OR52E2: variants seen among roughly 807,000 people sequenced by gnomAD.
OR52E2 encodes the protein olfactory receptor family 52 subfamily E member 2.
For missense variants in OR52E2, 443 were observed against 403.9 expected (o/e 1.10, Z -0.83); for synonymous variants, 130 against 143.9 (o/e 0.90, Z 0.69).
Position 5,058,897 on chromosome 11 carries a change from G to A in OR52E2, c.731C>T (p.Ser244Leu). The A allele has an allele frequency of 6.3e-7, 1 of 1,586,924 alleles. No homozygotes were observed. Among genetic ancestry groups the A allele is most frequent in the Non-Finnish European group, 8.6e-7 (1 of 1,167,594 alleles). The stretch of plus-strand genomic sequence containing the variant: ...GAAGGCAAGGATTACACACACATGT[G>A]AACCACATGTGCTGAGGGACTTGAG... ...ARLKSLSTCG[S>L]HVCVILAFYT... The change falls in exon 1 of 1, where the codon TCA (serine) becomes TTA (leucine). Residue 244 changes from serine to leucine, a missense_variant. By Grantham distance (145) the Ser-to-Leu change is moderately radical. Transcript: ENST00000321522.
rs1359090007 is a variant in OR52E2 at position 5,059,090 on chromosome 11, A to T, written c.538T>A (p.Tyr180Asn). 2 of 1,613,224 alleles carry T rather than the reference A, an allele frequency of 1.2e-6. No homozygotes were observed. The highest frequency in any genetic ancestry group is 1.7e-6 in the Non-Finnish European group (2 of 1,179,628). The change falls in exon 1 of 1, where the codon TAC (tyrosine) becomes AAC (asparagine). Residue 180 changes from tyrosine (Y) to asparagine (N), a missense_variant. By Grantham distance (143) the Tyr-to-Asn change is moderately radical. Transcript: ENST00000321522. ...FCGNHVIPHT[Y>N]CEHMGLAHLS... ...TGAGCAAGACCCATGTGCTCACAGT[A>T]GGTGTGGGGAATTACATGATTCCCA...
In OR52E2 at chr11:5,059,137, A is replaced by G. The variant is rs1847685356; in HGVS notation, c.491T>C (p.Leu164Pro). 3 of 1,613,696 alleles carry G rather than the reference A, an allele frequency of 1.9e-6. No individual in the cohort carries two copies. Among genetic ancestry groups the G allele is most frequent in the African/African-American group, 2.7e-5 (2 of 75,042 alleles). Residue 164 changes from leucine to proline, a missense_variant, in exon 1 of 1, where the codon CTT becomes CCT. By Grantham distance (98) the Leu-to-Pro change is moderately conservative. Coordinates refer to ENST00000321522, the MANE Select transcript of OR52E2 (RefSeq NM_001005164.2). ...CCCACAGAAGGGCAACCGCAATATA[A>G]GAAGTATAGAGGGAATGACGAAAAT... ...ALIFVIPSILLILRLPFCGNH... is the reference protein window; with the variant it reads ...ALIFVIPSILPILRLPFCGNH...
rs532542281 is a variant in OR52E2 at position 5,059,208 on chromosome 11, G to A, written c.420C>T (p.Asn140=). ...NPLQYSAILT[N]KVVSVIGLGV... is the part of the protein sequence containing the mutation. ...CAAGACCAATCACAGAAACAACCTT[G>A]TTGGTGAGGATGGCGCTATATTGGA... The change falls in exon 1 of 1, where the codon AAC becomes AAT. Residue 140 remains asparagine, a synonymous_variant. Coordinates refer to ENST00000321522, the MANE Select transcript of OR52E2 (RefSeq NM_001005164.2). 18 of 1,613,720 alleles carry A rather than the reference G, an allele frequency of 1.1e-5. No individual in the cohort carries two copies. The African/African-American group carries it at 2.1e-4, about 19-fold the overall frequency.
In OR52E2 at chr11:5,059,480, C is replaced by T. The variant is rs1255808327; in HGVS notation, c.148G>A (p.Val50Met). The change falls in exon 1 of 1, where the codon GTG (valine) becomes ATG (methionine). Residue 50 changes from valine (V) to methionine (M), a missense_variant. Val to Met is a conservative substitution (Grantham distance 21, BLOSUM62 1). Transcript: ENST00000321522. ...TGTAGGCTGCTGTCAGTCTTGATCA[C>T]AAGTAGAATAGTGAAGTTCCCTATG... is the stretch of plus-strand genomic sequence containing the variant. ...ALIGNFTILL[V>M]IKTDSSLHQP... is the part of the protein sequence containing the mutation. 6 of 1,613,892 alleles carry T rather than the reference C, an allele frequency of 3.7e-6. No individual in the cohort carries two copies. The highest frequency in any genetic ancestry group is 5.1e-6 in the Non-Finnish European group (6 of 1,179,944).
Position 5,058,675 on chromosome 11 carries a change from T to C in OR52E2, c.953A>G (p.Glu318Gly). Residue 318 changes from glutamate (E) to glycine (G), a missense_variant, in exon 1 of 1, where the codon GAG becomes GGG. Glu to Gly is a moderately conservative substitution (Grantham distance 98, BLOSUM62 -2). Coordinates refer to ENST00000321522, the MANE Select transcript of OR52E2 (RefSeq NM_001005164.2). ...LLQEQGMEKEEYLIHTRF is the reference protein window; with the variant it reads ...LLQEQGMEKEGYLIHTRF Reference sequence around the variant, plus strand: ...TCAGAACCTCGTATGTATTAGGTACTCTTCCTTTTCCATTCCTTGTTCCTG... The same window carrying C: ...TCAGAACCTCGTATGTATTAGGTACCCTTCCTTTTCCATTCCTTGTTCCTG... The C allele has an allele frequency of 2.0e-6, 3 of 1,494,740 alleles. No individual in the cohort carries two copies. The highest frequency in any genetic ancestry group is 4.5e-5 in the Admixed American group (2 of 44,314). 92.6% of individuals were successfully genotyped at this position (1,494,740 alleles called of 1,614,324 possible). A position where few individuals can be genotyped will look rare whatever the true frequency, so the allele number is the denominator to read the frequency against.
Position 5,058,762 on chromosome 11 carries a change from T to G in OR52E2, c.866A>C (p.Asn289Thr). 1 of 1,595,576 alleles carries G rather than the reference T, an allele frequency of 6.3e-7. No individual in the cohort carries two copies. The highest frequency in any genetic ancestry group is 8.5e-7 in the Non-Finnish European group (1 of 1,173,674). Residue 289 changes from asparagine (N) to threonine (T), a missense_variant, in exon 1 of 1, where the codon AAT becomes ACT. By Grantham distance (65) the Asn-to-Thr change is moderately conservative (BLOSUM62 0). Coordinates refer to ENST00000321522, the MANE Select transcript of OR52E2 (RefSeq NM_001005164.2). ...NLYVVVPPMLNPVIYGVRTKQ... is the reference protein window; with the variant it reads ...NLYVVVPPMLTPVIYGVRTKQ... ...GGTTCTGACTCCATATATGACAGGA[T>G]TGAGCATTGGTGGCACCACAACATA...
Position 5,058,942 on chromosome 11 carries a change from A to G in OR52E2, c.686T>C (p.Leu229Pro), listed in dbSNP as rs1433599647. Residue 229 changes from leucine to proline, a missense_variant, in exon 1 of 1, where the codon CTT (leucine) becomes CCT (proline). Coordinates refer to ENST00000321522, the MANE Select transcript of OR52E2 (RefSeq NM_001005164.2). ...YVHILCAVFR[L>P]PTHEARLKSL... ...CTTGAGTCGGGCTTCATGAGTAGGAAGACGGAAAACAGCACAAAGAATATG... is the reference window on the plus strand; with the variant it reads ...CTTGAGTCGGGCTTCATGAGTAGGAGGACGGAAAACAGCACAAAGAATATG... 2.5e-6 allele frequency: 4 copies of G among 1,605,136 alleles called. No homozygotes were observed. The highest frequency in any genetic ancestry group is 1.1e-5 in the South Asian group (1 of 89,172).
Position 5,058,756 on chromosome 11 carries a change from A to G in OR52E2, c.872T>C (p.Val291Ala), listed in dbSNP as rs768594160. 1.3e-6 allele frequency: 2 copies of G among 1,593,160 alleles called. No individual in the cohort carries two copies. Among genetic ancestry groups the G allele is most frequent in the East Asian group, 4.5e-5 (2 of 44,760 alleles). The change falls in exon 1 of 1, where the codon GTC (valine) becomes GCC (alanine). Residue 291 changes from valine (V) to alanine (A), a missense_variant. Val to Ala is a moderately conservative substitution (Grantham distance 64). Coordinates refer to ENST00000321522, the MANE Select transcript of OR52E2 (RefSeq NM_001005164.2). Reference sequence around the variant, plus strand: ...CTGCTTGGTTCTGACTCCATATATGACAGGATTGAGCATTGGTGGCACCAC... The same window carrying G: ...CTGCTTGGTTCTGACTCCATATATGGCAGGATTGAGCATTGGTGGCACCAC... ...YVVVPPMLNPVIYGVRTKQIY... is the reference protein window; with the variant it reads ...YVVVPPMLNPAIYGVRTKQIY...
chr11:5,059,075 C>T lies in OR52E2; in HGVS notation c.553G>A (p.Gly185Ser). The change falls in exon 1 of 1, where the codon GGT (glycine) becomes AGT (serine). Residue 185 changes from glycine (G) to serine (S), a missense_variant. Physicochemically the swap from Gly to Ser is moderately conservative, Grantham distance 56 (BLOSUM62 0). Coordinates refer to ENST00000321522, the MANE Select transcript of OR52E2 (RefSeq NM_001005164.2). ...CTGGCACAAGATAGATGAGCAAGAC[C>T]CATGTGCTCACAGTAGGTGTGGGGA... ...VIPHTYCEHM[G>S]LAHLSCASIK... 6.2e-7 allele frequency: 1 copy of T among 1,612,938 alleles called. No individual in the cohort carries two copies. The highest frequency in any genetic ancestry group is 8.5e-7 in the Non-Finnish European group (1 of 1,179,480).
chr11:5,059,297 G>C lies in OR52E2; in HGVS notation c.331C>G (p.Leu111Val), dbSNP rs374783754. 2.1e-5 allele frequency: 34 copies of C among 1,613,644 alleles called. No homozygotes were observed. Among genetic ancestry groups the C allele is most frequent in the Non-Finnish European group, 2.7e-5 (32 of 1,179,920 alleles). ...TQMFFIHNFT[L>V]MESAVLVAMA... is the part of the protein sequence containing the mutation. ...GCCACAAGGACTGCTGACTCCATAA[G>C]TGTGAAGTTGTGGATAAAAAACATC... The change falls in exon 1 of 1, where the codon CTT becomes GTT. Residue 111 changes from leucine (L) to valine (V), a missense_variant. Transcript: ENST00000321522.
chr11:5,059,136 A>G lies in OR52E2; in HGVS notation c.492T>C (p.Leu164=), dbSNP rs1023109054. 4 of 1,613,554 alleles carry G rather than the reference A, an allele frequency of 2.5e-6. No individual in the cohort carries two copies. Among genetic ancestry groups the G allele is most frequent in the Non-Finnish European group, 3.4e-6 (4 of 1,179,898 alleles). The change falls in exon 1 of 1, where the codon CTT becomes CTC. Residue 164 remains leucine, a synonymous_variant. Transcript: ENST00000321522. ...ALIFVIPSIL[L]ILRLPFCGNH... is the part of the protein sequence containing the mutation. ...TCCCACAGAAGGGCAACCGCAATAT[A>G]AGAAGTATAGAGGGAATGACGAAAA...
Position 5,058,923 on chromosome 11 carries a change from TC to T in OR52E2, c.704del (p.Arg235HisfsTer14), listed in dbSNP as rs1847680704. On this transcript the variant is annotated frameshift_variant, in exon 1 of 1. Transcript: ENST00000321522. LOFTEE classifies it low-confidence loss of function (END_TRUNC). Reference protein sequence around the residue: ...AVFRLPTHEARLKSLSTCGSH... With the variant: ...AVFRLPTHEAXLKSLSTCGSH... ...AACCACATGTGCTGAGGGACTTGAG[TC>T]GGGCTTCATGAGTAGGAAGACGGAA... The T allele has an allele frequency of 1.3e-6, 2 of 1,596,422 alleles. No homozygotes were observed. The highest frequency in any genetic ancestry group is 2.7e-5 in the African/African-American group (2 of 74,300).
chr11:5,058,679 C>T lies in OR52E2; in HGVS notation c.949G>A (p.Glu317Lys). The change falls in exon 1 of 1, where the codon GAA (glutamate) becomes AAA (lysine). Residue 317 changes from glutamate to lysine, a missense_variant. Glu to Lys is a moderately conservative substitution (Grantham distance 56). Transcript: ENST00000321522. Reference sequence around the variant, plus strand: ...AACCTCGTATGTATTAGGTACTCTTCCTTTTCCATTCCTTGTTCCTGCAAT... The same window carrying T: ...AACCTCGTATGTATTAGGTACTCTTTCTTTTCCATTCCTTGTTCCTGCAAT... ...ILLQEQGMEK[E>K]EYLIHTRF The T allele has an allele frequency of 6.7e-7, 1 of 1,497,114 alleles. No homozygotes were observed. Among genetic ancestry groups the T allele is most frequent in the Non-Finnish European group, 8.9e-7 (1 of 1,122,678 alleles). The allele number at this position is 1,497,114 out of a possible 1,614,324, so 92.7% of individuals were successfully genotyped here. A position where few individuals can be genotyped will look rare whatever the true frequency, so the allele number is the denominator to read the frequency against.
rs1376621801 is a variant in OR52E2, at chr11:5,059,399, T to C, written c.229A>G (p.Thr77Ala). Residue 77 changes from threonine (T) to alanine (A), a missense_variant, in exon 1 of 1, where the codon ACA becomes GCA. By Grantham distance (58) the Thr-to-Ala change is moderately conservative. Transcript: ENST00000321522. The part of the protein sequence containing the change: ...MLATTDVGLS[T>A]ATIPKMLGIF... ...CCAAGCATCTTAGGGATGGTAGCTGTTGAGAGACCCACATCAGTGGTGGCC... is the reference window on the plus strand; with the variant it reads ...CCAAGCATCTTAGGGATGGTAGCTGCTGAGAGACCCACATCAGTGGTGGCC... The C allele has an allele frequency of 6.2e-7, 1 of 1,613,754 alleles. No homozygotes were observed. The highest frequency in any genetic ancestry group is 2.2e-5 in the East Asian group (1 of 44,826).
rs1371125083 is a variant in OR52E2, at chr11:5,059,407, C to T, written c.221G>A (p.Gly74Asp). ...CTTAGGGATGGTAGCTGTTGAGAGA[C>T]CCACATCAGTGGTGGCCAACATGGC... ...FLAMLATTDV[G>D]LSTATIPKML... Residue 74 changes from glycine to aspartate, a missense_variant, in exon 1 of 1, where the codon GGT (glycine) becomes GAT (aspartate). By Grantham distance (94) the Gly-to-Asp change is moderately conservative. Coordinates refer to ENST00000321522, the MANE Select transcript of OR52E2 (RefSeq NM_001005164.2). 3 of 1,613,662 alleles carry T rather than the reference C, an allele frequency of 1.9e-6. No homozygotes were observed. The highest frequency in any genetic ancestry group is 2.5e-6 in the Non-Finnish European group (3 of 1,179,790).
In OR52E2 at chr11:5,059,557, G is replaced by A. The variant is rs772113159; in HGVS notation, c.71C>T (p.Thr24Ile). 1 of 1,613,562 alleles carries A rather than the reference G, an allele frequency of 6.2e-7. No homozygotes were observed. The highest frequency in any genetic ancestry group is 8.5e-7 in the Non-Finnish European group (1 of 1,179,688). Residue 24 changes from threonine to isoleucine, a missense_variant, in exon 1 of 1, where the codon ACA (threonine) becomes ATA (isoleucine). Thr to Ile is a moderately conservative substitution (Grantham distance 89). Transcript: ENST00000321522. ...GGGAAAGCCGATCCAGATGTGAAGTGTTTCTAGTCCTGGGATCCCCAGCAA... is the reference window on the plus strand; with the variant it reads ...GGGAAAGCCGATCCAGATGTGAAGTATTTCTAGTCCTGGGATCCCCAGCAA... ...FLLLGIPGLE[T>I]LHIWIGFPFC...
chr11:5,059,040 G>A lies in OR52E2; in HGVS notation c.588C>T (p.Ile196=), dbSNP rs747509606. The A allele has an allele frequency of 4.3e-6, 7 of 1,613,716 alleles. No individual in the cohort carries two copies. The South Asian group carries it at 7.7e-5, about 18-fold the overall frequency. ...LAHLSCASIK[I]NIIYGLCAIC... Reference sequence around the variant, plus strand: ...TGGCACATAAACCATAAATAATATTGATTTTGATGCTGGCACAAGATAGAT... The same window carrying A: ...TGGCACATAAACCATAAATAATATTAATTTTGATGCTGGCACAAGATAGAT... Residue 196 remains isoleucine (I), a synonymous_variant, in exon 1 of 1, where the codon ATC becomes ATT. Coordinates refer to ENST00000321522, the MANE Select transcript of OR52E2 (RefSeq NM_001005164.2).
rs1427258636 is a variant in OR52E2 at position 5,058,894 on chromosome 11, T to C, written c.734A>G (p.His245Arg). The C allele has an allele frequency of 1.3e-6, 2 of 1,586,078 alleles. No individual in the cohort carries two copies. The highest frequency in any genetic ancestry group is 1.4e-5 in the African/African-American group (1 of 73,898). Residue 245 changes from histidine (H) to arginine (R), a missense_variant, in exon 1 of 1, where the codon CAT (histidine) becomes CGT (arginine). Physicochemically the swap from His to Arg is conservative, Grantham distance 29. Coordinates refer to ENST00000321522, the MANE Select transcript of OR52E2 (RefSeq NM_001005164.2). ...ATAGAAGGCAAGGATTACACACACA[T>C]GTGAACCACATGTGCTGAGGGACTT... ...RLKSLSTCGS[H>R]VCVILAFYTP...
In OR52E2 at chr11:5,059,095, T is replaced by C. The variant is rs767305554; in HGVS notation, c.533A>G (p.His178Arg). The C allele has an allele frequency of 6.2e-7, 1 of 1,613,174 alleles. No homozygotes were observed. Among genetic ancestry groups the C allele is most frequent in the South Asian group, 1.1e-5 (1 of 90,952 alleles). The change falls in exon 1 of 1, where the codon CAC becomes CGC. Residue 178 changes from histidine (H) to arginine (R), a missense_variant. Physicochemically the swap from His to Arg is conservative, Grantham distance 29. Transcript: ENST00000321522. The stretch of plus-strand genomic sequence containing the variant: ...AAGACCCATGTGCTCACAGTAGGTG[T>C]GGGGAATTACATGATTCCCACAGAA... ...LPFCGNHVIP[H>R]TYCEHMGLAH...
Sources: gnomAD v4.1 joint callset for allele counts on GRCh38, gnomAD v4.1.1 for gene constraint, MANE v1.5 for transcripts, NCBI Gene and HGNC (gene_info 2026-07-23, HGNC 2026-07-21) for gene names.